Variants in CCDC62 observed in about 807,000 individuals in gnomAD.
The protein encoded by CCDC62 is coiled-coil domain containing 62.
A neutral mutation model predicts 80.8 loss-of-function variants in CCDC62; 72 were observed. The ratio of observed to expected loss-of-function variants is 0.89; its 90% CI spans 0.74 to 1.08. CCDC62 has a LOEUF of 1.08. CCDC62 is among the 50% of genes least tolerant of loss of function. CCDC62 has a pLI of 0.00. For missense variants in CCDC62, 704 were observed against 809.4 expected, an observed-to-expected ratio of 0.87 and a Z score of 1.58; for synonymous variants, 286 against 296.5, an observed-to-expected ratio of 0.96 and a Z score of 0.36.
intron 2 of CCDC62, among the ~76,000 whole-genome samples, chr12:122,778,984 T>G (rs1018105284): frequency 2.0e-5 from 3 of 152,228 alleles, no homozygotes; most frequent in Non-Finnish European, 4.4e-5. Flanking sequence ...ATACACACAG[T>G]GTTTAAAATG....
chr12:122,787,816 T>G (rs2030356146), intron 4 of CCDC62, among the ~76,000 whole-genome samples: 1 of 152,110 alleles, frequency 6.6e-6, no homozygotes, highest in South Asian at 2.1e-4. Context: ...TGGTTTCCAT[T>G]AGAAGCAGAT....
intron 12 of CCDC62, among the ~76,000 whole-genome samples, chr12:122,825,972 G>A (rs1313191079): frequency 3.5e-5 from 4 of 115,776 alleles, no homozygotes; most frequent in African/African-American, 6.8e-5. Flanking sequence ...CAGCCTGGGC[G>A]ACAAGAACGA....
intron 1 of CCDC62, among the ~76,000 whole-genome samples, chr12:122,776,278 G>A (rs552422593): frequency 1.3e-5 from 2 of 152,264 alleles, no homozygotes; most frequent in South Asian, 4.1e-4. Flanking sequence ...GCCACTAAGT[G>A]GCTAATTCTG....
chr12:122,811,821 CAAAAAAAAAAAAA>C (rs67025764), intron 10 of CCDC62, among the ~76,000 whole-genome samples: 11 of 34,664 alleles, frequency 3.2e-4, no homozygotes, highest in Admixed American at 5.2e-4. Context: ...ACTCCATCTG[CAAAAAAAAAAAAA>C]AAAAAAAAAA....
At chr12:122,779,369 T>C (rs1259329427) in intron 2 of CCDC62, among the ~76,000 whole-genome samples, 1 of 152,118 alleles carries the variant, frequency 6.6e-6, no homozygotes, top group Non-Finnish European at 1.5e-5. Flanking sequence ...CAGCATCTAG[T>C]GAAGCTGAAG....
At position 122,777,481 on chromosome 12, in the gene CCDC62, C is replaced by T. The variant is rs375583298; in HGVS notation, c.37-10C>T. The T allele has an allele frequency of 1.4e-4, 216 of 1,592,258 alleles. No individual in the cohort carries two copies. The highest frequency in any genetic ancestry group is 2.7e-4 in the Admixed American group (15 of 56,294). The stretch of plus-strand genomic sequence containing the variant: ...TTCTATTTTGATGTGAAACCGCTTT[C>T]TATGTTTAGAACATCGGGTCAGAAG... On this transcript the variant is annotated splice_polypyrimidine_tract_variant and intron_variant, in intron 1 of 12. Transcript: ENST00000253079.
intron 8 of CCDC62, among the ~76,000 whole-genome samples, chr12:122,799,950 C>CA (rs546695776): frequency 1.6e-3 from 240 of 152,264 alleles, no homozygotes; most frequent in Non-Finnish European, 2.8e-3. Context: ...CAGACTAACT[C>CA]AGAGCTCTCT....
chr12:122,779,972 A>C (rs1025026730), intron 2 of CCDC62, among the ~76,000 whole-genome samples: 1 of 151,034 alleles, frequency 6.6e-6, no homozygotes, highest in African/African-American at 2.4e-5. Context: ...ATTGTTTATC[A>C]TAGCTGCAAA....
rs778982134 is a variant in CCDC62 at position 122,781,176 on chromosome 12, A to G, written c.242A>G (p.Lys81Arg). ...GAACTTCCCTCAGGTGAACTACATA[A>G]AAGAACTGAAATAATCAGGTCACTC... ...RCSKLEGELHKRTEIIRSLTK... is the reference protein window; with the variant it reads ...RCSKLEGELHRRTEIIRSLTK... Residue 81 changes from lysine to arginine, a missense_variant, in exon 3 of 13, where the codon AAA becomes AGA. Transcript: ENST00000253079. The G allele has an allele frequency of 3.1e-6, 5 of 1,613,178 alleles. No individual in the cohort carries two copies. The highest frequency in any genetic ancestry group is 3.4e-6 in the Non-Finnish European group (4 of 1,179,728).
Position 122,792,092 on chromosome 12 carries a change from GT to G in CCDC62, c.745del (p.Cys249AlafsTer10). On this transcript the variant is annotated frameshift_variant, in exon 6 of 13. Coordinates refer to ENST00000253079, the MANE Select transcript of CCDC62 (RefSeq NM_201435.5). LOFTEE classifies it high-confidence loss of function. ...EEIIRLKQEK[S>X]CLHDELLFTV... ...ATCATTCGCCTCAAGCAAGAGAAAA[GT>G]TGCCTGCACGATGAATTGCTTTTTA... 2 of 1,613,136 alleles carry G rather than the reference GT, an allele frequency of 1.2e-6. No homozygotes were observed. Among genetic ancestry groups the G allele is most frequent in the Non-Finnish European group, 1.7e-6 (2 of 1,179,324 alleles).
chr12:122,791,322 A>G lies in CCDC62; in HGVS notation c.671-698A>G, dbSNP rs188827634. ...CCCAGCTAATTTTTGTATTTTTAGT[A>G]GAGACGGGGTTTTACCAGGTTGGCC... is the stretch of plus-strand genomic sequence containing the variant. On this transcript the variant is annotated intron_variant, in intron 5 of 12. Transcript: ENST00000253079. 3.5e-3 allele frequency among the ~76,000 whole-genome samples: 535 copies of G among 152,060 alleles called. 3 individuals carry two copies. The highest frequency in any genetic ancestry group is 0.013 in the African/African-American group (523 of 41,458).
chr12:122,786,774 C>T (rs1182304131), intron 4 of CCDC62, among the ~76,000 whole-genome samples: 3 of 151,380 alleles, frequency 2.0e-5, no homozygotes, highest in African/African-American at 4.9e-5. Context: ...TCCTGGCTAA[C>T]ACGGTGAAAC....
chr12:122,778,117 A>G (rs1300042891), intron 2 of CCDC62, among the ~76,000 whole-genome samples: 3 of 152,098 alleles, frequency 2.0e-5, no homozygotes, highest in Non-Finnish European at 4.4e-5. Flanking sequence ...CTGTAATTCC[A>G]GCACTTTGGC....
At chr12:122,798,274 G>T in intron 8 of CCDC62, 74 bp downstream of exon 8, 1 of 784,038 alleles carries the variant, frequency 1.3e-6, no homozygotes, top group Non-Finnish European at 2.2e-6. Flanking sequence ...CGCACTTACT[G>T]TTGGCCAGTA....
intron 2 of CCDC62, among the ~76,000 whole-genome samples, chr12:122,779,208 G>A (rs891074911): frequency 6.6e-6 from 1 of 152,112 alleles, no homozygotes; most frequent in Non-Finnish European, 1.5e-5. Context: ...TAGTAGTTAG[G>A]GAAATGCAAA....
chr12:122,795,475 G>T (rs2030879495), intron 6 of CCDC62, among the ~76,000 whole-genome samples: 1 of 151,796 alleles, frequency 6.6e-6, no homozygotes, highest in Admixed American at 6.6e-5. Flanking sequence ...CCAGGCTGGA[G>T]TGCAGTGGTG....
chr12:122,778,353 CAAA>C (rs34065757), intron 2 of CCDC62, among the ~76,000 whole-genome samples: 45 of 118,162 alleles, frequency 3.8e-4, no homozygotes, highest in East Asian at 1.9e-3. Context: ...GACCCTGTCC[CAAA>C]AAAAAAAAAA....
intron 4 of CCDC62, among the ~76,000 whole-genome samples, chr12:122,786,233 C>T (rs756127061): frequency 3.9e-5 from 6 of 152,128 alleles, no homozygotes; most frequent in Admixed American, 6.5e-5. Context: ...CTGCAAGCTC[C>T]GCCTCCCAGG....
At chr12:122,782,054 GC>G (rs1423151589) in intron 3 of CCDC62, among the ~76,000 whole-genome samples, 10 of 146,742 alleles carry the variant, frequency 6.8e-5, no homozygotes, top group African/African-American at 2.5e-4. Context: ...GCGTATGTAA[GC>G]CAAGCACAGT....
Sources: allele counts gnomAD v4.1 joint callset (sites outside exome capture counted in the v4.1 genomes callset), GRCh38; gene constraint gnomAD v4.1.1; transcripts MANE v1.5; gene names NCBI Gene and HGNC (gene_info 2026-07-23, HGNC 2026-07-21).